Variants in PEX5L observed in about 807,000 individuals in gnomAD.
The protein encoded by PEX5L is peroxisomal biogenesis factor 5 like, also known as PEX5-related protein.
In PEX5L, 30 loss-of-function variants were observed where a neutral mutation model predicts 84.0. The observed-to-expected ratio is 0.36, with a 90% CI of 0.27 to 0.48. The LOEUF is 0.48. Among genes scored for constraint, PEX5L ranks in the 20% least tolerant of loss-of-function variants. The pLI, the probability that PEX5L is intolerant of heterozygous loss-of-function variation, is 0.99. For missense variants in PEX5L, 533 were observed against 754.6 expected, an observed-to-expected ratio of 0.71 and a Z score of 3.44; for synonymous variants, 270 against 283.1, an observed-to-expected ratio of 0.95 and a Z score of 0.46.
intron 2 of PEX5L, among the ~76,000 whole-genome samples, chr3:179,911,058 C>T (rs927525159): frequency 1.3e-5 from 2 of 152,174 alleles, no homozygotes; most frequent in Non-Finnish European, 2.9e-5. Flanking sequence ...AACCAGGTAG[C>T]GCACTCCAGA....
intron 3 of PEX5L, among the ~76,000 whole-genome samples, chr3:179,892,028 G>A (rs940188222): frequency 6.6e-6 from 1 of 151,952 alleles, no homozygotes; most frequent in East Asian, 1.9e-4. Flanking sequence ...TGTCTTTTGG[G>A]TATGGAGTAT....
chr3:179,940,376 C>T (rs1775754668), intron 2 of PEX5L, among the ~76,000 whole-genome samples: 1 of 151,822 alleles, frequency 6.6e-6, no homozygotes, highest in Non-Finnish European at 1.5e-5. Context: ...TGAGCAGTTA[C>T]TGTGTGTGTT....
chr3:180,015,892 T>A (rs1475939445), intron 1 of PEX5L, among the ~76,000 whole-genome samples: 1 of 136,566 alleles, frequency 7.3e-6, no homozygotes, highest in Non-Finnish European at 1.5e-5. Context: ...TTTAATATAT[T>A]ATATATAATG....
chr3:179,918,860 C>T (rs1027083773), intron 2 of PEX5L, among the ~76,000 whole-genome samples: 2 of 152,158 alleles, frequency 1.3e-5, no homozygotes, highest in Non-Finnish European at 2.9e-5. Flanking sequence ...TCTGTGGATA[C>T]TCCTGTGACA....
chr3:179,956,385 C>A (rs1434767140), intron 2 of PEX5L, among the ~76,000 whole-genome samples: 1 of 152,060 alleles, frequency 6.6e-6, no homozygotes, highest in African/African-American at 2.4e-5. Flanking sequence ...ACGATTATTT[C>A]TTTTCATCAC....
At chr3:180,032,030 G>T (rs1192988632) in intron 1 of PEX5L, among the ~76,000 whole-genome samples, 1 of 152,124 alleles carries the variant, frequency 6.6e-6, no homozygotes, top group Non-Finnish European at 1.5e-5. Flanking sequence ...GGCCAGTATG[G>T]CTGGGGAATG....
intron 2 of PEX5L, among the ~76,000 whole-genome samples, chr3:179,929,681 TC>T (rs1772474106): frequency 6.6e-6 from 1 of 152,192 alleles, no homozygotes; most frequent in Non-Finnish European, 1.5e-5. Flanking sequence ...GACGTTAAGA[TC>T]AGTTCCTGCC....
At chr3:179,907,311 CT>C (rs1258799005) in intron 2 of PEX5L, among the ~76,000 whole-genome samples, 2 of 151,622 alleles carry the variant, frequency 1.3e-5, no homozygotes, top group Admixed American at 6.6e-5. Flanking sequence ...TTAAATTCTC[CT>C]TTTTTTTCTT....
intron 2 of PEX5L, among the ~76,000 whole-genome samples, chr3:179,958,734 T>C (rs377096809): frequency 6.6e-6 from 1 of 152,216 alleles, no homozygotes; most frequent in Non-Finnish European, 1.5e-5. Context: ...AGATAAAGGA[T>C]TTAAGATACT....
chr3:179,932,703 T>C (rs1023585055), intron 2 of PEX5L, among the ~76,000 whole-genome samples: 11 of 152,182 alleles, frequency 7.2e-5, no homozygotes. Flanking sequence ...GATGAAGTAA[T>C]TCATGGCCCC....
chr3:179,923,685 T>C (rs1271568696), intron 2 of PEX5L, among the ~76,000 whole-genome samples: 1 of 152,242 alleles, frequency 6.6e-6, no homozygotes, highest in African/African-American at 2.4e-5. Flanking sequence ...TCCCACTTAG[T>C]AGCAGTATGA....
At chr3:179,912,214 T>A (rs1022185991) in intron 2 of PEX5L, among the ~76,000 whole-genome samples, 3 of 152,150 alleles carry the variant, frequency 2.0e-5, no homozygotes, top group Non-Finnish European at 4.4e-5. Flanking sequence ...TGGTTTCAAG[T>A]TGCTTAAAAG....
chr3:179,958,654 G>T (rs140823719), intron 2 of PEX5L, among the ~76,000 whole-genome samples: 735 of 152,214 alleles, frequency 4.8e-3, no homozygotes, highest in Non-Finnish European at 7.8e-3. Flanking sequence ...TGTTTTACAG[G>T]ACTGATTACT....
At chr3:179,930,787 T>C (rs1371970961) in intron 2 of PEX5L, among the ~76,000 whole-genome samples, 1 of 152,224 alleles carries the variant, frequency 6.6e-6, no homozygotes, top group East Asian at 1.9e-4. Flanking sequence ...TGCTTAAACC[T>C]TTCATCATTT....
intron 2 of PEX5L, among the ~76,000 whole-genome samples, chr3:179,933,438 C>A (rs1314988194): frequency 1.0e-5 from 1 of 96,110 alleles, no homozygotes; most frequent in East Asian, 3.2e-4. Flanking sequence ...GAGTCATATA[C>A]AATTCTCTTT....
intron 2 of PEX5L, among the ~76,000 whole-genome samples, chr3:179,957,280 A>C (rs1192457777): frequency 6.6e-6 from 1 of 152,188 alleles, no homozygotes; most frequent in East Asian, 1.9e-4. Context: ...TCATATATAC[A>C]TCATAAGCAT....
chr3:179,844,830 A>AAAAAC (rs912405267), intron 8 of PEX5L, among the ~76,000 whole-genome samples: 2 of 152,216 alleles, frequency 1.3e-5, no homozygotes, highest in Non-Finnish European at 2.9e-5. Flanking sequence ...ACTCCATCTC[A>AAAAAC]AAAACAAAAC....
At chr3:179,952,714 C>A (rs2109984211) in intron 2 of PEX5L, among the ~76,000 whole-genome samples, 1 of 152,252 alleles carries the variant, frequency 6.6e-6, no homozygotes, top group Admixed American at 6.5e-5. Context: ...CCCCATCAAG[C>A]TATCATTGAC....
intron 2 of PEX5L, among the ~76,000 whole-genome samples, chr3:179,953,511 G>T (rs755752996): frequency 3.3e-5 from 5 of 152,060 alleles, no homozygotes; most frequent in Admixed American, 1.3e-4. Flanking sequence ...CAAATCTATT[G>T]CATGCAGGTG....
Sources: allele counts gnomAD v4.1 joint callset (sites outside exome capture counted in the v4.1 genomes callset), GRCh38; gene constraint gnomAD v4.1.1; transcripts MANE v1.5; gene names NCBI Gene and HGNC (gene_info 2026-07-23, HGNC 2026-07-21).